Variants in RGS9 observed in about 807,000 individuals in gnomAD.
The protein encoded by RGS9 is regulator of G-protein signalling 9.
RGS9 carries 78 observed loss-of-function variants against 102.0 expected under a neutral mutation model. That is an observed-to-expected ratio of 0.76 (90% CI 0.64 to 0.92). RGS9 has a LOEUF of 0.92. RGS9 is among the 40% of genes least tolerant of loss of function. The pLI, the probability that RGS9 is intolerant of heterozygous loss-of-function variation, is 0.00. For missense variants in RGS9, 833 were observed against 866.1 expected (o/e 0.96, Z 0.48); for synonymous variants, 353 against 318.6 (o/e 1.11, Z -1.15).
intron 18 of RGS9, 85 bp downstream of exon 18, chr17:65,225,571 G>A (rs1905627570): frequency 1.9e-6 from 3 of 1,588,216 alleles, no homozygotes; most frequent in Non-Finnish European, 2.6e-6. Flanking sequence ...GCTTTGGGCT[G>A]GGGACTGGGA....
At chr17:65,151,146 A>G (rs908465343) in intron 1 of RGS9, among the ~76,000 whole-genome samples, 2 of 152,152 alleles carry the variant, frequency 1.3e-5, no homozygotes, top group Admixed American at 6.6e-5. Context: ...GGAGTTTGAG[A>G]CCAGCGTGGC....
chr17:65,148,771 C>T (rs1162564270), intron 1 of RGS9, among the ~76,000 whole-genome samples: 1 of 152,122 alleles, frequency 6.6e-6, no homozygotes, highest in African/African-American at 2.4e-5. Context: ...TGGTTTCAAA[C>T]TCCTGGGCTC....
chr17:65,195,460 C>T (rs1415185969), intron 12 of RGS9, among the ~76,000 whole-genome samples: 1 of 151,976 alleles, frequency 6.6e-6, no homozygotes, highest in Non-Finnish European at 1.5e-5. Flanking sequence ...TATATATATA[C>T]ACATATATGT....
At chr17:65,154,992 C>A (rs1314497785) in intron 2 of RGS9, among the ~76,000 whole-genome samples, 2 of 152,216 alleles carry the variant, frequency 1.3e-5, no homozygotes, top group African/African-American at 2.4e-5. Flanking sequence ...GATGCCCCCA[C>A]CAGCAATGTG....
chr17:65,151,358 AG>A (rs11340695), intron 1 of RGS9, among the ~76,000 whole-genome samples: 47,209 of 146,352 alleles, frequency 0.32, 9,712 homozygotes, highest in African/African-American at 0.62. Context: ...AAAAAAAAAA[AG>A]AGTCCTTCAG....
chr17:65,197,760 C>G (rs1912654229), intron 13 of RGS9, among the ~76,000 whole-genome samples: 1 of 151,890 alleles, frequency 6.6e-6, no homozygotes. Context: ...ACCTCCGCCT[C>G]CCTAGTTCAA....
At chr17:65,196,673 A>G (rs989483974) in intron 12 of RGS9, among the ~76,000 whole-genome samples, 2 of 149,810 alleles carry the variant, frequency 1.3e-5, no homozygotes, top group African/African-American at 4.8e-5. Flanking sequence ...AGGGTGTGCC[A>G]TGGTAGGGGG....
At position 65,160,552 on chromosome 17, in the gene RGS9, C is replaced by A; in HGVS notation, c.329C>A (p.Pro110His). 1 of 1,614,156 alleles carries A rather than the reference C, an allele frequency of 6.2e-7. No individual in the cohort carries two copies. Among genetic ancestry groups the A allele is most frequent in the Non-Finnish European group, 8.5e-7 (1 of 1,180,034 alleles). Residue 110 changes from proline (P) to histidine (H), a missense_variant, in exon 5 of 19, where the codon CCC (proline) becomes CAC (histidine). Coordinates refer to ENST00000262406, the MANE Select transcript of RGS9 (RefSeq NM_003835.4). ...CTTTTGCAGACACCGTATTTCTGGCCCACCCAGCAGTGGCCAGCTGAAGAT... is the reference window on the plus strand; with the variant it reads ...CTTTTGCAGACACCGTATTTCTGGCACACCCAGCAGTGGCCAGCTGAAGAT... ...LYRFQTPYFW[P>H]TQQWPAEDTD...
intron 2 of RGS9, among the ~76,000 whole-genome samples, chr17:65,157,907 TTGTGTGTGTGTATG>T (rs1910826447): frequency 6.6e-6 from 1 of 151,922 alleles, no homozygotes; most frequent in South Asian, 2.1e-4. Context: ...CGGGTCTGTT[TTGTGTGTGTGTATG>T]TGTGTGTGTG....
intron 1 of RGS9, among the ~76,000 whole-genome samples, chr17:65,145,860 C>T (rs530960118): frequency 5.4e-4 from 78 of 145,578 alleles, no homozygotes; most frequent in African/African-American, 2.0e-3. Context: ...GGAATTTGTA[C>T]GGGGAAAGGT....
intron 12 of RGS9, 126 bp from the exon 13 acceptor site, chr17:65,197,000 C>T (rs1912617121): frequency 1.4e-6 from 1 of 715,404 alleles, no homozygotes; most frequent in Non-Finnish European, 2.6e-6. Context: ...GTGTGTTATG[C>T]AGGGATTGGG....
At chr17:65,202,350 C>T (rs1912882852) in intron 14 of RGS9, among the ~76,000 whole-genome samples, 2 of 150,526 alleles carry the variant, frequency 1.3e-5, no homozygotes, top group South Asian at 4.2e-4. Context: ...GCAAGCTGTC[C>T]CGAATTACAG....
chr17:65,163,263 C>G (rs1019176005), intron 7 of RGS9, among the ~76,000 whole-genome samples, 174 bp downstream of exon 7: 3 of 150,634 alleles, frequency 2.0e-5, no homozygotes, highest in Non-Finnish European at 4.4e-5. Flanking sequence ...CAACCTCCGC[C>G]TCCTGGGTTC....
chr17:65,165,557 C>G (rs1236210738), intron 7 of RGS9, among the ~76,000 whole-genome samples: 3 of 152,136 alleles, frequency 2.0e-5, no homozygotes. Context: ...ATGTTGCTGT[C>G]AAACCTCAAA....
rs760192055 is a variant in RGS9, at chr17:65,210,595, A to G, written c.1397A>G (p.Asp466Gly). Residue 466 changes from aspartate (D) to glycine (G), a missense_variant, in exon 17 of 19, where the codon GAC becomes GGC. Transcript: ENST00000262406. ...GCCCGAGAAGCAGCCAACACTGTGG[A>G]CATCACCCAGGTCATGAGCAAGCTG... is the stretch of plus-strand genomic sequence containing the variant. ...AKAREAANTV[D>G]ITQPGQHMAP... The G allele has an allele frequency of 1.1e-5, 18 of 1,613,872 alleles. No individual in the cohort carries two copies. The highest frequency in any genetic ancestry group is 2.7e-5 in the African/African-American group (2 of 74,934).
At chr17:65,210,375 A>G in intron 16 of RGS9, 113 bp from the exon 17 acceptor site, 2 of 1,331,166 alleles carry the variant, frequency 1.5e-6, no homozygotes, top group Non-Finnish European at 2.2e-6. Context: ...AAAAGGAGGG[A>G]ACAAAATATA....
intron 1 of RGS9, among the ~76,000 whole-genome samples, chr17:65,138,241 A>C (rs762900778): frequency 2.6e-5 from 4 of 152,226 alleles, no homozygotes; most frequent in Non-Finnish European, 4.4e-5. Flanking sequence ...GTTTGGGGAC[A>C]AAGTGGTTCA....
At chr17:65,172,927 TTTC>T (rs1313654029) in intron 8 of RGS9, among the ~76,000 whole-genome samples, 4 of 149,992 alleles carry the variant, frequency 2.7e-5, no homozygotes, top group African/African-American at 4.9e-5. Flanking sequence ...TCTTTCTTTC[TTTC>T]TTTTTTTTTT....
At chr17:65,175,045 A>G (rs1289830914) in intron 8 of RGS9, among the ~76,000 whole-genome samples, 1 of 151,924 alleles carries the variant, frequency 6.6e-6, no homozygotes, top group African/African-American at 2.4e-5. Flanking sequence ...ACAGTTCAAG[A>G]TGATATTTGG....
Sources: allele counts gnomAD v4.1 joint callset (sites outside exome capture counted in the v4.1 genomes callset), GRCh38; gene constraint gnomAD v4.1.1; transcripts MANE v1.5; gene names NCBI Gene and HGNC (gene_info 2026-07-23, HGNC 2026-07-21).